Variants in LRIG3 observed in about 807,000 individuals in gnomAD.
LRIG3 encodes leucine-rich repeats and immunoglobulin-like domains protein 3.
Under a neutral mutation model 114.5 loss-of-function variants are expected in LRIG3, and 76 were observed. That is an observed-to-expected ratio of 0.66 (90% confidence interval 0.55 to 0.80). LRIG3 has a LOEUF of 0.80. Among genes scored for constraint, LRIG3 ranks in the 30% least tolerant of loss-of-function variants. The pLI is 0.00. For synonymous variants in LRIG3, 512 were observed against 519.8 expected, an observed-to-expected ratio of 0.98 and a Z score of 0.20; for missense variants, 1,239 against 1,382.8, an observed-to-expected ratio of 0.90 and a Z score of 1.65.
At chr12:58,911,928 C>A (rs1872292286) in intron 3 of LRIG3, among the ~76,000 whole-genome samples, 1 of 152,134 alleles carries the variant, frequency 6.6e-6, no homozygotes, top group African/African-American at 2.4e-5. Flanking sequence ...TTATCAGGCC[C>A]ATGATATAAA....
chr12:58,883,824 A>G (rs576142809), intron 10 of LRIG3, among the ~76,000 whole-genome samples: 1 of 152,330 alleles, frequency 6.6e-6, no homozygotes, highest in South Asian at 2.1e-4. Flanking sequence ...ACTTTCTGTC[A>G]TCACTTAAAG....
At chr12:58,888,266 A>G in intron 7 of LRIG3, 63 bp downstream of exon 7, 1 of 1,544,838 alleles carries the variant, frequency 6.5e-7, no homozygotes, top group African/African-American at 1.4e-5. Flanking sequence ...AGTGGTAAGA[A>G]GCTCATGCCC....
chr12:58,880,299 CAAAAAAAAAAAAAA>C, intron 13 of LRIG3: 1 of 339,752 alleles, frequency 2.9e-6, no homozygotes, highest in Non-Finnish European at 5.3e-6. Flanking sequence ...GATTCCGTCT[CAAAAAAAAAAAAAA>C]GAAAAAGAAA....
rs764835245 is a variant in LRIG3 at position 58,888,488 on chromosome 12, G to C, written c.804-16C>G. ...GTCCAGCTGCCTACATTTACAGTAA[G>C]AATCAAAAGCAGGATCAAAACTTCA... On this transcript the variant is annotated splice_polypyrimidine_tract_variant and intron_variant, in intron 6 of 18. Coordinates refer to ENST00000320743, the MANE Select transcript of LRIG3 (RefSeq NM_153377.5). The C allele has an allele frequency of 1.2e-6, 2 of 1,610,396 alleles. No homozygotes were observed. Among genetic ancestry groups the C allele is most frequent in the African/African-American group, 1.3e-5 (1 of 74,810 alleles).
intron 14 of LRIG3, among the ~76,000 whole-genome samples, 163 bp from the exon 15 acceptor site, chr12:58,878,015 T>C (rs1204763472): frequency 1.3e-5 from 2 of 152,228 alleles, no homozygotes; most frequent in African/African-American, 4.8e-5. Context: ...CATTCAGTAT[T>C]TCACTATTCT....
intron 1 of LRIG3, among the ~76,000 whole-genome samples, chr12:58,919,786 A>T (rs750825141): frequency 1.3e-5 from 2 of 152,190 alleles, no homozygotes; most frequent in Non-Finnish European, 2.9e-5. Flanking sequence ...GGACGCGCCA[A>T]GAGCCCACCT....
In LRIG3 at chr12:58,885,499, G is replaced by GATAT. The variant is rs1296098119; in HGVS notation, c.1244+328_1244+331dup. Among the ~76,000 whole-genome samples, 5 of 151,714 alleles carry GATAT rather than the reference G, an allele frequency of 3.3e-5. No individual in the cohort carries two copies. The East Asian group carries it at 9.7e-4, about 29-fold the overall frequency. ...TATGTGAATATGTGGTACAATGCCT[G>GATAT]ATATATAGTGGATGAACTACACCTA... On this transcript the variant is annotated intron_variant, in intron 10 of 18. Transcript: ENST00000320743.
rs555871822 is a variant in LRIG3, at chr12:58,920,374, C to T, written c.-139G>A. The T allele has an allele frequency of 1.8e-4, 98 of 550,814 alleles. 1 individual carries two copies. In the African/African-American group the frequency reaches 1.8e-3, roughly 10 times the overall value. 34.1% of individuals were successfully genotyped at this position (550,814 alleles called of 1,614,324 possible). ...CCTCCCTCGCGCTGCCCGGTCAATT[C>T]CTTCTTTTACTCCCGGCGGCGAAGC... On this transcript the variant is annotated 5_prime_UTR_variant, in exon 1 of 19. Coordinates refer to ENST00000320743, the MANE Select transcript of LRIG3 (RefSeq NM_153377.5).
chr12:58,903,853 T>A (rs1166793759), intron 3 of LRIG3, among the ~76,000 whole-genome samples: 1 of 152,066 alleles, frequency 6.6e-6, no homozygotes, highest in Non-Finnish European at 1.5e-5. Context: ...TTTTCTCAGG[T>A]TTGTCCAAGA....
chr12:58,916,515 T>C (rs1872487100), intron 1 of LRIG3, among the ~76,000 whole-genome samples: 1 of 152,222 alleles, frequency 6.6e-6, no homozygotes, highest in African/African-American at 2.4e-5. Context: ...AAATCTTCCT[T>C]ACATTGTTTT....
intron 3 of LRIG3, among the ~76,000 whole-genome samples, chr12:58,895,834 C>T (rs1220743299): frequency 6.6e-6 from 1 of 152,162 alleles, no homozygotes; most frequent in Non-Finnish European, 1.5e-5. Context: ...TTGATGCCCA[C>T]TTGGGGGGCG....
intron 16 of LRIG3, among the ~76,000 whole-genome samples, 155 bp from the exon 17 acceptor site, chr12:58,874,728 A>AT (rs1356651039): frequency 6.6e-6 from 1 of 152,220 alleles, no homozygotes; most frequent in African/African-American, 2.4e-5. Context: ...GTTTTAAAAA[A>AT]TTTATTAGAG....
At chr12:58,887,591 C>A (rs921866989) in intron 8 of LRIG3, among the ~76,000 whole-genome samples, 198 bp downstream of exon 8, 1 of 152,188 alleles carries the variant, frequency 6.6e-6, no homozygotes, top group Non-Finnish European at 1.5e-5. Context: ...AAACTGATCA[C>A]TGTCCTTTTT....
rs2120860365 is a variant in LRIG3 at position 58,872,834 on chromosome 12, C to T, written c.3116-18G>A. 2 of 1,604,784 alleles carry T rather than the reference C, an allele frequency of 1.2e-6. No homozygotes were observed. The highest frequency in any genetic ancestry group is 1.7e-6 in the Non-Finnish European group (2 of 1,174,280). On this transcript the variant is annotated intron_variant, in intron 18 of 18. Coordinates refer to ENST00000320743, the MANE Select transcript of LRIG3 (RefSeq NM_153377.5). ...AAAGGTACCTGAAAGAAAGAAACAC[C>T]TTGAGCACATGGGTCCCTTTGCTAG... is the stretch of plus-strand genomic sequence containing the variant.
chr12:58,874,133 G>T lies in LRIG3; in HGVS notation c.3037C>A (p.Leu1013Met), dbSNP rs755750729. The T allele has an allele frequency of 1.6e-5, 26 of 1,614,216 alleles. No individual in the cohort carries two copies. The Admixed American group carries it at 4.2e-4, about 26-fold the overall frequency. ...TCTAAAGAGGACTTGTTTAGACACA[G>T]ATTTTTCATTCCAGGTCCTTCATTG... is the stretch of plus-strand genomic sequence containing the variant. ...SHNEGPGMKN[L>M]CLNKSSLDFS... Residue 1013 changes from leucine (L) to methionine (M), a missense_variant, in exon 18 of 19, where the codon CTG becomes ATG. Physicochemically the swap from Leu to Met is conservative, Grantham distance 15 (BLOSUM62 2). Coordinates refer to ENST00000320743, the MANE Select transcript of LRIG3 (RefSeq NM_153377.5).
chr12:58,882,305 C>A (rs1871150163), intron 12 of LRIG3, among the ~76,000 whole-genome samples: 1 of 152,166 alleles, frequency 6.6e-6, no homozygotes, highest in South Asian at 2.1e-4. Flanking sequence ...AAATCCAGAT[C>A]TGCTACTAAC....
intron 3 of LRIG3, among the ~76,000 whole-genome samples, chr12:58,894,425 AAAAC>A (rs1029677537): frequency 6.6e-5 from 10 of 152,356 alleles, no homozygotes; most frequent in East Asian, 5.8e-4. Context: ...AGTTTAACAC[AAAAC>A]AAACAAACAA....
At chr12:58,880,450 G>T (rs946196067) in intron 13 of LRIG3, 131 bp downstream of exon 13, 1 of 899,842 alleles carries the variant, frequency 1.1e-6, no homozygotes. Flanking sequence ...TGGAATGAAA[G>T]GTAGGGAAAG....
In LRIG3 at chr12:58,874,339, T is replaced by C. The variant is rs750185700; in HGVS notation, c.2840-9A>G. 4 of 1,606,686 alleles carry C rather than the reference T, an allele frequency of 2.5e-6. No individual in the cohort carries two copies. Among genetic ancestry groups the C allele is most frequent in the Non-Finnish European group, 3.4e-6 (4 of 1,176,784 alleles). ...TGGGTCAGGACTGCAACCTTTTTAA[T>C]ATGGGGGCAGTAACAGAAGGAGATT... On this transcript the variant is annotated splice_polypyrimidine_tract_variant and intron_variant, in intron 17 of 18. Transcript: ENST00000320743.
Sources: allele counts gnomAD v4.1 joint callset (sites outside exome capture counted in the v4.1 genomes callset), GRCh38; gene constraint gnomAD v4.1.1; transcripts MANE v1.5; gene names NCBI Gene and HGNC (gene_info 2026-07-23, HGNC 2026-07-21).